Variants in VGLL4 observed in about 807,000 individuals in gnomAD.
The protein encoded by VGLL4 is vestigial like family member 4.
Under a neutral mutation model 21.0 loss-of-function variants are expected in VGLL4, and 7 were observed. The ratio of observed to expected loss-of-function variants is 0.33; its 90% CI spans 0.19 to 0.63. The LOEUF (loss-of-function observed/expected upper bound fraction) is 0.63, where lower values mean the gene tolerates loss of function less well. Ranked by LOEUF, VGLL4 falls within the 20% of genes least tolerant of loss-of-function variation. VGLL4 has a pLI of 0.78. For missense variants in VGLL4, 394 were observed against 425.7 expected, an observed-to-expected ratio of 0.93 and a Z score of 0.66; for synonymous variants, 222 against 173.2, an observed-to-expected ratio of 1.28 and a Z score of -2.21.
At chr3:11,626,341 AAAACAAAAC>A in intron 1 of VGLL4, 1 of 456,866 alleles carries the variant, frequency 2.2e-6, no homozygotes, top group Non-Finnish European at 4.4e-6. Context: ...ACACAAAGTC[AAAACAAAAC>A]AAGTACCTGT....
rs1476482839 is a variant in VGLL4 at position 11,568,665 on chromosome 3, G to A, written c.273-3646C>T. ...AGACAGACATTGTTTTCCAGGCCCC[G>A]CTCGCCCGGATGAATCACCTCCCGG... On this transcript the variant is annotated intron_variant, in intron 2 of 4. Transcript: ENST00000430365. This position sits in a 1 kb window ranked among gnomAD's most constrained non-coding sequence, Gnocchi z 5.9. 23 of 1,558,136 alleles carry A rather than the reference G, an allele frequency of 1.5e-5. No homozygotes were observed. Among genetic ancestry groups the A allele is most frequent in the East Asian group, 2.4e-5 (1 of 41,724 alleles).
intron 2 of VGLL4, among the ~76,000 whole-genome samples, chr3:11,567,227 A>AT (rs1024925926): frequency 6.6e-6 from 1 of 152,056 alleles, no homozygotes; most frequent in African/African-American, 2.4e-5. Context: ...CACCCAGAGG[A>AT]CTCTAAATGG....
intron 2 of VGLL4, among the ~76,000 whole-genome samples, chr3:11,655,929 G>A (rs936221838): frequency 6.6e-6 from 1 of 152,190 alleles, no homozygotes; most frequent in South Asian, 2.1e-4. Flanking sequence ...ACACTGGTGG[G>A]TGACCACTAA....
At chr3:11,577,574 C>T (rs1455678446) in intron 2 of VGLL4, among the ~76,000 whole-genome samples, 1 of 152,136 alleles carries the variant, frequency 6.6e-6, no homozygotes, top group Non-Finnish European at 1.5e-5. Context: ...GTCTGAACAA[C>T]AGAGCAAGAC....
chr3:11,716,904 G>A (rs1179966110), intron 1 of VGLL4, among the ~76,000 whole-genome samples: 2 of 151,850 alleles, frequency 1.3e-5, no homozygotes, highest in East Asian at 3.9e-4. Flanking sequence ...ATTAACTTTA[G>A]GTGAGTTCCC....
intron 2 of VGLL4, among the ~76,000 whole-genome samples, chr3:11,591,570 C>T (rs773720619): frequency 1.3e-5 from 2 of 152,230 alleles, no homozygotes; most frequent in Non-Finnish European, 2.9e-5. Context: ...GCACAGCTCC[C>T]TGCTCGGATA....
At chr3:11,595,044 C>CT in intron 2 of VGLL4, among the ~76,000 whole-genome samples, 1 of 152,290 alleles carries the variant, frequency 6.6e-6, no homozygotes, top group Non-Finnish European at 1.5e-5. Context: ...GCCTATAATC[C>CT]TAGCTACTCG....
chr3:11,659,203 C>A (rs937117800), intron 2 of VGLL4, among the ~76,000 whole-genome samples: 1 of 152,048 alleles, frequency 6.6e-6, no homozygotes, highest in African/African-American at 2.4e-5. Flanking sequence ...AGACACAGTC[C>A]CTGTCCTTGA....
At chr3:11,608,973 T>G (rs927042643) in intron 1 of VGLL4, among the ~76,000 whole-genome samples, 1 of 152,294 alleles carries the variant, frequency 6.6e-6, no homozygotes, top group Admixed American at 6.5e-5. Context: ...GTGATTCTCC[T>G]GCGTCAGCCT....
chr3:11,595,992 AATAAG>A (rs1263484328), intron 2 of VGLL4, among the ~76,000 whole-genome samples: 6 of 152,036 alleles, frequency 3.9e-5, no homozygotes, highest in Admixed American at 2.0e-4. Context: ...ATAATAATAA[AATAAG>A]ATAAAATAAA....
chr3:11,669,338 C>T (rs930970069), intron 2 of VGLL4, among the ~76,000 whole-genome samples: 23 of 152,144 alleles, frequency 1.5e-4, no homozygotes, highest in Non-Finnish European at 4.4e-5. Flanking sequence ...TGAGCTGTGA[C>T]GCCACTGCAC....
At chr3:11,634,771 A>T (rs180937098) in intron 1 of VGLL4, among the ~76,000 whole-genome samples, 3 of 151,894 alleles carry the variant, frequency 2.0e-5, no homozygotes, top group East Asian at 1.9e-4. Context: ...GCCGCCTCCC[A>T]GGTTCAAGTG....
At chr3:11,607,636 A>G (rs1489644840) in intron 1 of VGLL4, among the ~76,000 whole-genome samples, 4 of 152,230 alleles carry the variant, frequency 2.6e-5, no homozygotes, top group Non-Finnish European at 4.4e-5. Context: ...AAATAAGAAT[A>G]TATTTATAAG....
chr3:11,676,779 A>C (rs1021201664), intron 2 of VGLL4, among the ~76,000 whole-genome samples: 3 of 152,286 alleles, frequency 2.0e-5, no homozygotes, highest in Admixed American at 6.5e-5. Context: ...TAGTCCCTAC[A>C]ATAATTATTA....
chr3:11,662,392 G>A (rs1314706176), intron 2 of VGLL4, among the ~76,000 whole-genome samples: 2 of 152,272 alleles, frequency 1.3e-5, no homozygotes, highest in African/African-American at 2.4e-5. Flanking sequence ...CAAAATGTTC[G>A]TAATTCTAAA....
At chr3:11,684,388 T>G (rs2076415486) in intron 2 of VGLL4, among the ~76,000 whole-genome samples, 2 of 152,024 alleles carry the variant, frequency 1.3e-5, no homozygotes, top group African/African-American at 2.4e-5. Context: ...CCTTTTTTTT[T>G]CTTTAAAAAA....
chr3:11,629,152 T>A (rs972423416), intron 1 of VGLL4, among the ~76,000 whole-genome samples: 3 of 152,182 alleles, frequency 2.0e-5, no homozygotes, highest in African/African-American at 4.8e-5. Flanking sequence ...TTAAACACAC[T>A]ATGATTTTGG....
rs1411824367 is a variant in VGLL4, at chr3:11,557,715, C to T, written c.*841G>A. ...TTACTGTCTATATAATTAATAGAAA[C>T]CAGCTATTTTTTCTCCATTAAAACA... On this transcript the variant is annotated 3_prime_UTR_variant, in exon 5 of 5. Transcript: ENST00000430365. The T allele has an allele frequency of 6.6e-6, 1 of 152,670 alleles. No individual in the cohort carries two copies. The highest frequency in any genetic ancestry group is 6.5e-5 in the Admixed American group (1 of 15,276). 9.5% of individuals were successfully genotyped at this position (152,670 alleles called of 1,614,324 possible). A position where few individuals can be genotyped will look rare whatever the true frequency, so the allele number is the denominator to read the frequency against.
intron 2 of VGLL4, among the ~76,000 whole-genome samples, chr3:11,662,260 G>C (rs994295247): frequency 6.6e-6 from 1 of 152,188 alleles, no homozygotes; most frequent in Non-Finnish European, 1.5e-5. Context: ...CAGACCTTCA[G>C]ACTTTTCAGC....
Sources: gnomAD v4.1 joint callset for allele counts (sites outside exome capture counted in the v4.1 genomes callset) on GRCh38, gnomAD v4.1.1 for gene constraint, Gnocchi (gnomAD v3.1) non-coding constraint, MANE v1.5 for transcripts, NCBI Gene and HGNC (gene_info 2026-07-23, HGNC 2026-07-21) for gene names.